PIAS2: variants seen among roughly 807,000 people sequenced by gnomAD.
PIAS2 encodes protein inhibitor of activated STAT 2.
PIAS2 carries 19 observed loss-of-function variants against 69.7 expected under a neutral mutation model. That is an observed-to-expected ratio of 0.27 (90% confidence interval 0.19 to 0.40). The LOEUF (loss-of-function observed/expected upper bound fraction) is 0.40, where lower values mean the gene tolerates loss of function less well. Ranked by LOEUF, PIAS2 falls within the 10% of genes least tolerant of loss-of-function variation. The pLI is 1.00. For synonymous variants in PIAS2, 261 were observed against 263.2 expected (o/e 0.99, Z 0.08); for missense variants, 624 against 757.0 (o/e 0.82, Z 2.06).
intron 2 of PIAS2, among the ~76,000 whole-genome samples, chr18:46,885,939 T>A (rs1303128146): frequency 6.6e-6 from 1 of 152,212 alleles, no homozygotes; most frequent in East Asian, 1.9e-4. Flanking sequence ...ACTATTTAAC[T>A]TTACTGAGGT....
intron 1 of PIAS2, chr18:46,916,860 A>AG (rs1376126878): frequency 1.0e-6 from 1 of 985,358 alleles, no homozygotes; most frequent in Non-Finnish European, 1.2e-6. Flanking sequence ...CCATAAGAAG[A>AG]GGAGAGATTC....
At chr18:46,877,248 T>C (rs984449401) in intron 2 of PIAS2, among the ~76,000 whole-genome samples, 1 of 152,174 alleles carries the variant, frequency 6.6e-6, no homozygotes, top group Non-Finnish European at 1.5e-5. Flanking sequence ...AGTCAAGAAA[T>C]GTTAAAAACG....
At chr18:46,896,164 G>GAAAAAAAAAAAAAAAAA (rs1491313474) in intron 1 of PIAS2, among the ~76,000 whole-genome samples, 1 of 22,306 alleles carries the variant, frequency 4.5e-5, no homozygotes, top group Non-Finnish European at 1.0e-4. Context: ...AAAGAAAAAA[G>GAAAAAAAAAAAAAAAAA]CAAAAAAAAA....
rs528272662 is a variant in PIAS2 at position 46,819,417 on chromosome 18, C to T, written c.1648+1516G>A. Reference sequence around the variant, plus strand: ...TCTTAAAATACCAACTCCCAAATTACATGTGGAGTAACTATATCTAAGAAG... The same window carrying T: ...TCTTAAAATACCAACTCCCAAATTATATGTGGAGTAACTATATCTAAGAAG... On this transcript the variant is annotated intron_variant, in intron 12 of 13. Transcript: ENST00000585916. Among the ~76,000 whole-genome samples, 3 of 152,220 alleles carry T rather than the reference C, an allele frequency of 2.0e-5. No homozygotes were observed. The East Asian group carries it at 5.8e-4, about 29-fold the overall frequency.
chr18:46,864,021 T>C (rs1357933993), intron 3 of PIAS2, 143 bp downstream of exon 3: 3 of 516,752 alleles, frequency 5.8e-6, no homozygotes, highest in Non-Finnish European at 1.0e-5. Flanking sequence ...TGCCAAAACC[T>C]TGATCTTGGA....
upstream of PIAS2, among the ~76,000 whole-genome samples, chr18:46,919,110 G>C (rs1035106861): frequency 1.3e-5 from 2 of 150,600 alleles, no homozygotes; most frequent in African/African-American, 4.9e-5. Context: ...CAGCACTTTA[G>C]GAAGCCGAGG....
chr18:46,819,134 T>G (rs1035090716), intron 12 of PIAS2, among the ~76,000 whole-genome samples: 1 of 152,078 alleles, frequency 6.6e-6, no homozygotes, highest in African/African-American at 2.4e-5. Flanking sequence ...TCATTACCTT[T>G]TTTCAGGATT....
intron 1 of PIAS2, chr18:46,906,347 G>C (rs1373804222): frequency 7.8e-6 from 1 of 128,690 alleles, no homozygotes; most frequent in Non-Finnish European, 1.7e-5. Flanking sequence ...GAAAAAGAAA[G>C]AAAAAAAAAA....
chr18:46,871,684 A>G (rs1189208278), intron 2 of PIAS2, among the ~76,000 whole-genome samples: 1 of 152,174 alleles, frequency 6.6e-6, no homozygotes, highest in East Asian at 1.9e-4. Context: ...CCCTTTACCT[A>G]ATGTCCCTTG....
chr18:46,858,142 C>T (rs1014958114), intron 3 of PIAS2, among the ~76,000 whole-genome samples: 1 of 151,162 alleles, frequency 6.6e-6, no homozygotes, highest in Non-Finnish European at 1.5e-5. Context: ...GATGTGAACA[C>T]CATAGTTAAC....
At chr18:46,916,796 G>A (rs1485812898) in intron 1 of PIAS2, 1 of 984,668 alleles carries the variant, frequency 1.0e-6, no homozygotes, top group African/African-American at 1.7e-5. Flanking sequence ...TAGGAGGCAA[G>A]GGTGGGAGAA....
chr18:46,856,163 G>A (rs1401577218), intron 3 of PIAS2, among the ~76,000 whole-genome samples: 1 of 151,456 alleles, frequency 6.6e-6, no homozygotes, highest in African/African-American at 2.4e-5. Flanking sequence ...CCGCCACCAC[G>A]CCCGGCTAAT....
In PIAS2 at chr18:46,807,383, A is replaced by ATATATATATTTTTT. The variant is rs869149927; in HGVS notation, c.*5049_*5050insAAAAAATATATATA. The ATATATATATTTTTT allele has an allele frequency of 1.7e-4, 2 of 11,612 alleles. No homozygotes were observed. The highest frequency in any genetic ancestry group is 1.3e-4 in the Non-Finnish European group (1 of 7,456). 0.7% of individuals were successfully genotyped at this position (11,612 alleles called of 1,614,324 possible). ...TATATATATATATATATATATATAT[A>ATATATATATTTTTT]TTTTTTTTTTTTTTTTTTTTTTTTT... On this transcript the variant is annotated 3_prime_UTR_variant, in exon 14 of 14. Transcript: ENST00000585916.
intron 5 of PIAS2, among the ~76,000 whole-genome samples, chr18:46,848,867 A>C (rs976001571): frequency 2.0e-5 from 3 of 151,914 alleles, no homozygotes; most frequent in Admixed American, 1.3e-4. Flanking sequence ...AGAAAAAAAA[A>C]AACAACTCCT....
intron 2 of PIAS2, among the ~76,000 whole-genome samples, chr18:46,877,971 A>G (rs1413725966): frequency 6.6e-6 from 1 of 152,232 alleles, no homozygotes; most frequent in Non-Finnish European, 1.5e-5. Context: ...GAATTTTGGC[A>G]TAATCTTATC....
chr18:46,824,373 C>G (rs1300721585), intron 11 of PIAS2, among the ~76,000 whole-genome samples: 1 of 152,130 alleles, frequency 6.6e-6, no homozygotes, highest in African/African-American at 2.4e-5. Context: ...ATAGATTTAT[C>G]CTTATTATGT....
chr18:46,845,449 G>A (rs987050437), intron 6 of PIAS2, among the ~76,000 whole-genome samples: 2 of 151,994 alleles, frequency 1.3e-5, no homozygotes, highest in African/African-American at 4.8e-5. Context: ...CCCCAAATGG[G>A]TATTTTATTG....
chr18:46,913,700 G>A (rs1373888337), intron 1 of PIAS2, among the ~76,000 whole-genome samples: 1 of 152,140 alleles, frequency 6.6e-6, no homozygotes, highest in Non-Finnish European at 1.5e-5. Context: ...CACAATATTG[G>A]AAATATGCAA....
intron 1 of PIAS2, among the ~76,000 whole-genome samples, chr18:46,893,952 C>G (rs1001437543): frequency 1.3e-5 from 2 of 152,060 alleles, no homozygotes; most frequent in Non-Finnish European, 2.9e-5. Flanking sequence ...ATGGTGAAAC[C>G]CCGTCTCTAC....
Sources: gnomAD v4.1 joint callset for allele counts (sites outside exome capture counted in the v4.1 genomes callset) on GRCh38, gnomAD v4.1.1 for gene constraint, MANE v1.5 for transcripts, NCBI Gene and HGNC (gene_info 2026-07-23, HGNC 2026-07-21) for gene names.